The following LEPR variants were observed in gnomAD, a reference collection of about 807,000 sequenced individuals.
LEPR encodes leptin receptor.
A neutral mutation model predicts 114.7 loss-of-function variants in LEPR; 56 were observed. That is an observed-to-expected ratio of 0.49 (90% CI 0.39 to 0.61). The LOEUF is 0.61. LEPR is among the 20% of genes least tolerant of loss of function. The pLI, the probability that LEPR is intolerant of heterozygous loss-of-function variation, is 0.00. For missense variants in LEPR, 1,202 were observed against 1,352.9 expected, an observed-to-expected ratio of 0.89 and a Z score of 1.75; for synonymous variants, 443 against 461.4, an observed-to-expected ratio of 0.96 and a Z score of 0.51.
intron 2 of LEPR, among the ~76,000 whole-genome samples, chr1:65,530,297 C>T (rs1650293127): frequency 6.6e-6 from 1 of 152,174 alleles, no homozygotes; most frequent in Non-Finnish European, 1.5e-5. Flanking sequence ...AATATAATGA[C>T]TTCTCATTAC....
chr1:65,526,154 C>T (rs973151573), intron 2 of LEPR: 9 of 983,778 alleles, frequency 9.1e-6, no homozygotes, highest in Non-Finnish European at 1.1e-5. Context: ...AGGCTTCGTG[C>T]CTACTTTGGA....
intron 2 of LEPR, among the ~76,000 whole-genome samples, chr1:65,510,726 G>T (rs2100551782): frequency 6.6e-6 from 1 of 152,292 alleles, no homozygotes; most frequent in East Asian, 1.9e-4. Context: ...ACGTTAGCGG[G>T]AAAAGGAAAG....
At chr1:65,606,569 C>T (rs752580017) in intron 11 of LEPR, among the ~76,000 whole-genome samples, 2 of 152,164 alleles carry the variant, frequency 1.3e-5, no homozygotes, top group Non-Finnish European at 2.9e-5. Flanking sequence ...GACAGCTCCT[C>T]ATACCTTCCC....
Position 65,605,167 on chromosome 1 carries a change from G to A in LEPR, c.1533G>A (p.Met511Ile). 1 of 1,614,104 alleles carries A rather than the reference G, an allele frequency of 6.2e-7. No homozygotes were observed. The highest frequency in any genetic ancestry group is 1.7e-5 in the Admixed American group (1 of 60,034). Reference protein sequence around the residue: ...QPIFLLSGYTMWIRINHSLGS... With the variant: ...QPIFLLSGYTIWIRINHSLGS... Reference sequence around the variant, plus strand: ...TCTTCCTATTATCTGGCTACACAATGTGGATTAGGATCAATCACTCTCTAG... The same window carrying A: ...TCTTCCTATTATCTGGCTACACAATATGGATTAGGATCAATCACTCTCTAG... The change falls in exon 11 of 20, where the codon ATG (methionine) becomes ATA (isoleucine). Residue 511 changes from methionine (M) to isoleucine (I), a missense_variant. Transcript: ENST00000349533.
intron 2 of LEPR, among the ~76,000 whole-genome samples, chr1:65,517,591 T>C (rs1649354746): frequency 6.6e-6 from 1 of 152,208 alleles, no homozygotes; most frequent in South Asian, 2.1e-4. Context: ...ACATTTTTAC[T>C]CTCTAACTCA....
chr1:65,518,492 T>G (rs551838602), intron 2 of LEPR, among the ~76,000 whole-genome samples: 1 of 152,362 alleles, frequency 6.6e-6, no homozygotes, highest in African/African-American at 2.4e-5. Context: ...TCTGGCTTTT[T>G]CTCTACAATG....
At chr1:65,421,047 A>C (rs952398915) in intron 1 of LEPR, among the ~76,000 whole-genome samples, 4 of 152,128 alleles carry the variant, frequency 2.6e-5, no homozygotes, top group South Asian at 4.1e-4. Flanking sequence ...GAGTTTTTAA[A>C]CAAGGTTTCC....
At chr1:65,512,236 TAAA>T (rs1479374155) in intron 2 of LEPR, among the ~76,000 whole-genome samples, 3 of 152,092 alleles carry the variant, frequency 2.0e-5, no homozygotes, top group Non-Finnish European at 2.9e-5. Flanking sequence ...GGGATGGTGC[TAAA>T]CTATTCAATA....
intron 2 of LEPR, among the ~76,000 whole-genome samples, chr1:65,481,824 A>G (rs923290016): frequency 2.2e-5 from 3 of 135,860 alleles, no homozygotes; most frequent in African/African-American, 1.0e-4. Context: ...AATGTTACTA[A>G]AAAAAAAAAA....
rs563198115 is a variant in LEPR at position 65,551,404 on chromosome 1, G to T, written c.-20-14142G>T. On this transcript the variant is annotated intron_variant, in intron 2 of 19. Coordinates refer to ENST00000349533, the MANE Select transcript of LEPR (RefSeq NM_002303.6). ...GGCTCAATTTCAGACCCTGTTTTTGGTCTATTCAGGGATTTGACTTCTTCC... is the reference window on the plus strand; with the variant it reads ...GGCTCAATTTCAGACCCTGTTTTTGTTCTATTCAGGGATTTGACTTCTTCC... Among the ~76,000 whole-genome samples, 74 of 152,160 alleles carry T rather than the reference G, an allele frequency of 4.9e-4. No individual in the cohort carries two copies. In the South Asian group the frequency reaches 0.015, roughly 30 times the overall value.
At chr1:65,522,522 A>G (rs1400823155) in intron 2 of LEPR, among the ~76,000 whole-genome samples, 1 of 152,218 alleles carries the variant, frequency 6.6e-6, no homozygotes, top group African/African-American at 2.4e-5. Context: ...AAGAGTAAGA[A>G]GGAAAGTCAA....
intron 2 of LEPR, chr1:65,427,964 T>C (rs1646412664): frequency 6.2e-6 from 1 of 160,464 alleles, no homozygotes; most frequent in Admixed American, 6.4e-5. Context: ...AACTGCCACA[T>C]ATAACCTGCT....
chr1:65,514,603 A>G (rs1301230348), intron 2 of LEPR, among the ~76,000 whole-genome samples: 2 of 152,228 alleles, frequency 1.3e-5, no homozygotes, highest in African/African-American at 2.4e-5. Flanking sequence ...TCTTATGCAT[A>G]TATATTTTAA....
At position 65,554,587 on chromosome 1, in the gene LEPR, C is replaced by G. The variant is rs999840782; in HGVS notation, c.-20-10959C>G. Among the ~76,000 whole-genome samples the G allele has an allele frequency of 3.9e-5, 6 of 152,162 alleles. 2 individuals carry two copies. The highest frequency in any genetic ancestry group is 3.9e-4 in the Admixed American group (6 of 15,284). On this transcript the variant is annotated intron_variant, in intron 2 of 19. Transcript: ENST00000349533. ...CCCACCAAGCTTGAGTGTCCCAGGT[C>G]GATTTCTGCTGTGCTGGCAGGGAGA...
intron 2 of LEPR, among the ~76,000 whole-genome samples, chr1:65,449,543 T>C (rs1410385466): frequency 2.0e-5 from 3 of 152,156 alleles, no homozygotes; most frequent in Non-Finnish European, 2.9e-5. Flanking sequence ...ATCACAGGTC[T>C]TGATTTTCTT....
intron 2 of LEPR, chr1:65,494,320 C>T (rs1413250071): frequency 6.6e-6 from 1 of 152,092 alleles, no homozygotes; most frequent in Non-Finnish European, 1.5e-5. Flanking sequence ...TAATGTGTCC[C>T]TTTACATCAT....
At position 65,601,096 on chromosome 1, in the gene LEPR, A is replaced by T. The variant is rs147258609; in HGVS notation, c.995-296A>T. On this transcript the variant is annotated intron_variant, in intron 8 of 19. Transcript: ENST00000349533. ...TTTTGTTTTAGTCACTTTCCTGCCT[A>T]TCAGTTAGCAAGTGACAATTACTGG... 1.2e-4 allele frequency among the ~76,000 whole-genome samples: 19 copies of T among 152,142 alleles called. No individual in the cohort carries two copies. In the Middle Eastern group the frequency reaches 0.01, roughly 82 times the overall value.
intron 2 of LEPR, among the ~76,000 whole-genome samples, chr1:65,498,704 T>C (rs912278549): frequency 6.6e-6 from 1 of 152,134 alleles, no homozygotes; most frequent in Admixed American, 6.6e-5. Flanking sequence ...TTTTGTTTAG[T>C]TTAGATTCTC....
In LEPR at chr1:65,425,364, C is replaced by T; in HGVS notation, c.-35C>T. ...TGACTTTTCTTATGCTGGGATGTGC[C>T]TTAGAGGATTATGGGTAAGTTATCA... On this transcript the variant is annotated 5_prime_UTR_variant, in exon 2 of 20. Transcript: ENST00000349533. 6.2e-7 allele frequency: 1 copy of T among 1,602,710 alleles called. No individual in the cohort carries two copies. Among genetic ancestry groups the T allele is most frequent in the Non-Finnish European group, 8.5e-7 (1 of 1,177,178 alleles).
Sources: gnomAD v4.1 joint callset for allele counts (sites outside exome capture counted in the v4.1 genomes callset) on GRCh38, gnomAD v4.1.1 for gene constraint, MANE v1.5 for transcripts, NCBI Gene and HGNC (gene_info 2026-07-23, HGNC 2026-07-21) for gene names.